LARP1: variants seen among roughly 807,000 people sequenced by gnomAD.
LARP1 encodes la-related protein 1.
Under a neutral mutation model 122.7 loss-of-function variants are expected in LARP1, and 36 were observed. That is an observed-to-expected ratio of 0.29 (90% CI 0.22 to 0.39). The LOEUF is 0.39. LARP1 is among the 10% of genes least tolerant of loss of function. The pLI is 1.00. For missense variants in LARP1, 1,040 were observed against 1,403.6 expected (o/e 0.74, Z 4.14); for synonymous variants, 539 against 528.7 (o/e 1.02, Z -0.27).
intron 8 of LARP1, among the ~76,000 whole-genome samples, chr5:154,796,174 ATTATATATATATT>A (rs1414366013): frequency 1.6e-5 from 2 of 129,020 alleles, no homozygotes. Context: ...GTATTTATAT[ATTATATATATATT>A]TTATATATAT....
At position 154,803,172 on chromosome 5, in the gene LARP1, C is replaced by G; in HGVS notation, c.2110-118C>G. On this transcript the variant is annotated intron_variant, in intron 11 of 18. Coordinates refer to ENST00000518297, the MANE Select transcript of LARP1 (RefSeq NM_033551.3). The surrounding 1 kb of genome is among the most constrained non-coding windows in gnomAD (Gnocchi z 4.4). Reference sequence around the variant, plus strand: ...AGCTGAGAGCCTGGGGACCAGAATTCCACGTATGTCGACGTGGGAGCTGCC... The same window carrying G: ...AGCTGAGAGCCTGGGGACCAGAATTGCACGTATGTCGACGTGGGAGCTGCC... 1 of 1,344,584 alleles carries G rather than the reference C, an allele frequency of 7.4e-7. No homozygotes were observed. The highest frequency in any genetic ancestry group is 1.0e-6 in the Non-Finnish European group (1 of 955,970). The allele number at this position is 1,344,584 out of a possible 1,614,324, so 83.3% of individuals were successfully genotyped here.
chr5:154,765,299 C>T (rs929395561), intron 1 of LARP1, among the ~76,000 whole-genome samples: 23 of 152,180 alleles, frequency 1.5e-4, no homozygotes, highest in African/African-American at 5.5e-4. Flanking sequence ...AATGCCTTCC[C>T]AGACCACCCT....
At chr5:154,720,616 G>A (rs1295245533) in intron 1 of LARP1, among the ~76,000 whole-genome samples, 3 of 152,182 alleles carry the variant, frequency 2.0e-5, no homozygotes, top group Non-Finnish European at 4.4e-5. Context: ...GGAAGCTGAG[G>A]TGGGAGAATC....
intron 10 of LARP1, among the ~76,000 whole-genome samples, chr5:154,800,695 A>G (rs141009692): frequency 6.6e-6 from 1 of 152,308 alleles, no homozygotes; most frequent in African/African-American, 2.4e-5. Flanking sequence ...TTAAGTGCTG[A>G]ATTTTTCTCC....
chr5:154,775,522 G>T (rs1019670516), intron 1 of LARP1, among the ~76,000 whole-genome samples: 15 of 150,666 alleles, frequency 1.0e-4, no homozygotes, highest in African/African-American at 3.4e-4. Context: ...CGACTCCCCT[G>T]CGGCTTTGGT....
chr5:154,814,366 T>C lies in LARP1; in HGVS notation c.*270T>C. The C allele has an allele frequency of 4.0e-6, 1 of 251,840 alleles. No individual in the cohort carries two copies. The highest frequency in any genetic ancestry group is 7.7e-6 in the Non-Finnish European group (1 of 129,144). The allele number at this position is 251,840 out of a possible 1,614,324, so 15.6% of individuals were successfully genotyped here. ...GGGAGGGAAAGGGGGGAGATTTTTA[T>C]ATATATATACATATATATATATCAA... is the stretch of plus-strand genomic sequence containing the variant. On this transcript the variant is annotated 3_prime_UTR_variant, in exon 19 of 19. Coordinates refer to ENST00000518297, the MANE Select transcript of LARP1 (RefSeq NM_033551.3).
intron 1 of LARP1, among the ~76,000 whole-genome samples, chr5:154,749,342 G>A (rs951020259): frequency 2.0e-5 from 3 of 152,144 alleles, no homozygotes; most frequent in African/African-American, 2.4e-5. Flanking sequence ...CGACTCAGAG[G>A]GGTGAGTGTG....
chr5:154,698,075 T>C lies in LARP1; in HGVS notation c.-180+15038T>C, dbSNP rs564907487. 3.3e-5 allele frequency among the ~76,000 whole-genome samples: 5 copies of C among 152,236 alleles called. No individual in the cohort carries two copies. In the South Asian group the frequency reaches 1.0e-3, roughly 32 times the overall value. ...ACTTTATTGCCAAAAATGCTAACAA[T>C]CATCTGAGCCTTTAGCAAGTCGTAC... On this transcript the variant is annotated intron_variant, in intron 1 of 18. Coordinates refer to the LARP1 transcript ENST00000687700.
intron 15 of LARP1, among the ~76,000 whole-genome samples, chr5:154,808,186 C>A (rs114545890): frequency 0.012 from 1,833 of 152,246 alleles, 39 homozygotes; most frequent in African/African-American, 0.042. Context: ...GAAAGTAGTA[C>A]CAGTTGAGGT....
Position 154,792,606 on chromosome 5 carries a change from T to C in LARP1, c.565-16T>C. On this transcript the variant is annotated splice_polypyrimidine_tract_variant and intron_variant, in intron 3 of 18. Coordinates refer to ENST00000518297, the MANE Select transcript of LARP1 (RefSeq NM_033551.3). ...CACTCACACTCACCTCACTGTTACT[T>C]TACTTCCTGCTATAGCCACAGTCCC... The C allele has an allele frequency of 6.2e-7, 1 of 1,612,682 alleles. No homozygotes were observed. Among genetic ancestry groups the C allele is most frequent in the Admixed American group, 1.7e-5 (1 of 59,948 alleles).
intron 1 of LARP1, among the ~76,000 whole-genome samples, chr5:154,773,899 T>C (rs1412517648): frequency 6.6e-6 from 1 of 152,092 alleles, no homozygotes; most frequent in African/African-American, 2.4e-5. Flanking sequence ...GGGACATGGG[T>C]TGGCCTGAGT....
chr5:154,746,281 G>A (rs1753194610), intron 1 of LARP1, among the ~76,000 whole-genome samples: 2 of 152,200 alleles, frequency 1.3e-5, no homozygotes, highest in Non-Finnish European at 2.9e-5. Context: ...CTTCTGTCTT[G>A]GAGCTTGGCT....
intron 16 of LARP1, among the ~76,000 whole-genome samples, chr5:154,809,068 T>G (rs1010725428): frequency 1.3e-5 from 2 of 152,166 alleles, no homozygotes; most frequent in African/African-American, 4.8e-5. Flanking sequence ...TCTTTTTTTA[T>G]GGGCTGTAAC....
chr5:154,812,884 G>A (rs1413470433), intron 18 of LARP1, among the ~76,000 whole-genome samples: 2 of 152,064 alleles, frequency 1.3e-5, no homozygotes, highest in African/African-American at 4.8e-5. Context: ...CAAGATGGGG[G>A]AAACTGCCCC....
chr5:154,764,749 A>G (rs1754782566), intron 1 of LARP1, among the ~76,000 whole-genome samples: 1 of 151,718 alleles, frequency 6.6e-6, no homozygotes, highest in African/African-American at 2.4e-5. Flanking sequence ...TACCAAAAAT[A>G]CAAAAAGTAG....
At chr5:154,777,645 G>GACT (rs1756026687) in intron 1 of LARP1, among the ~76,000 whole-genome samples, 1 of 152,114 alleles carries the variant, frequency 6.6e-6, no homozygotes, top group Non-Finnish European at 1.5e-5. Context: ...ATGGCACACT[G>GACT]ACTATAGTCA....
intron 8 of LARP1, among the ~76,000 whole-genome samples, chr5:154,797,218 G>GTT (rs1430709731): frequency 7.6e-5 from 5 of 66,204 alleles, no homozygotes; most frequent in East Asian, 4.5e-4. Context: ...TTTTGTTGTT[G>GTT]TTGTTTTTTT....
At chr5:154,683,480 A>G (rs1027293610) in intron 1 of LARP1, among the ~76,000 whole-genome samples, 3 of 152,120 alleles carry the variant, frequency 2.0e-5, no homozygotes, top group African/African-American at 7.2e-5. Context: ...ACTCTAGCCT[A>G]TTTCTGAGTG....
chr5:154,746,614 G>T (rs1306252196), intron 1 of LARP1, among the ~76,000 whole-genome samples: 1 of 152,092 alleles, frequency 6.6e-6, no homozygotes, highest in Non-Finnish European at 1.5e-5. Flanking sequence ...AACTTCTATA[G>T]GCCTCAGTTC....
Sources: gnomAD v4.1 joint callset for allele counts (sites outside exome capture counted in the v4.1 genomes callset) on GRCh38, gnomAD v4.1.1 for gene constraint, Gnocchi (gnomAD v3.1) non-coding constraint, MANE v1.5 for transcripts, NCBI Gene and HGNC (gene_info 2026-07-23, HGNC 2026-07-21) for gene names.